FCRL6: variants seen among roughly 807,000 people sequenced by gnomAD.
The protein encoded by FCRL6 is Fc receptor like 6, also known as Fc receptor-like protein 6.
A neutral mutation model predicts 49.1 loss-of-function variants in FCRL6; 50 were observed. The observed-to-expected ratio is 1.02, with a 90% CI of 0.81 to 1.29. FCRL6 has a LOEUF of 1.29. Ranked by LOEUF, FCRL6 falls within the 50% of genes most tolerant of loss-of-function variation. FCRL6 has a pLI of 0.00. For synonymous variants in FCRL6, 213 were observed against 199.6 expected, an observed-to-expected ratio of 1.07 and a Z score of -0.57; for missense variants, 571 against 518.5, an observed-to-expected ratio of 1.10 and a Z score of -0.98.
chr1:159,815,856 G>A lies in FCRL6; in HGVS notation c.*195G>A. ...TTAGCAGAAGACCAACCAATGGAAT[G>A]GGAAGGGAGATGCTCCCACCAACAC... On this transcript the variant is annotated 3_prime_UTR_variant, in exon 10 of 10. Transcript: ENST00000368106. The A allele has an allele frequency of 1.7e-6, 1 of 589,882 alleles. No homozygotes were observed. The highest frequency in any genetic ancestry group is 3.0e-6 in the Non-Finnish European group (1 of 337,984). The allele number at this position is 589,882 out of a possible 1,614,324, so 36.5% of individuals were successfully genotyped here.
At chr1:159,814,498 C>T (rs1663273001) in intron 8 of FCRL6, among the ~76,000 whole-genome samples, 1 of 152,112 alleles carries the variant, frequency 6.6e-6, no homozygotes, top group South Asian at 2.1e-4. Context: ...ATCAATGCTA[C>T]CATGACCACC....
chr1:159,808,384 G>A lies in FCRL6; in HGVS notation c.259G>A (p.Val87Met). 1 of 1,614,208 alleles carries A rather than the reference G, an allele frequency of 6.2e-7. No individual in the cohort carries two copies. The highest frequency in any genetic ancestry group is 8.5e-7 in the Non-Finnish European group (1 of 1,180,034). ...TGGCCAGTACAGCTGCTCTGGGCAG[G>A]TGATGTATATTCCACAGACATTCAC... ...SRGQYSCSGQ[V>M]MYIPQTFTQT... Residue 87 changes from valine to methionine, a missense_variant, in exon 3 of 10, where the codon GTG (valine) becomes ATG (methionine). Transcript: ENST00000368106.
At chr1:159,802,567 G>GA (rs1662408360) in intron 1 of FCRL6, 112 bp downstream of exon 1, 1 of 994,614 alleles carries the variant, frequency 1.0e-6, no homozygotes, top group Non-Finnish European at 1.5e-6. Context: ...TTTGTGGCTG[G>GA]AGCTCAAGAC....
intron 1 of FCRL6, among the ~76,000 whole-genome samples, chr1:159,803,691 G>A (rs78897341): frequency 6.6e-6 from 1 of 152,140 alleles, no homozygotes; most frequent in Non-Finnish European, 1.5e-5. Flanking sequence ...GAGTGTTCCA[G>A]CTTGGAACCC....
In FCRL6 at chr1:159,808,205, A is replaced by T. The variant is rs1234249833; in HGVS notation, c.80A>T (p.Asn27Ile). 1 of 1,613,218 alleles carries T rather than the reference A, an allele frequency of 6.2e-7. No individual in the cohort carries two copies. Among genetic ancestry groups the T allele is most frequent in the Non-Finnish European group, 8.5e-7 (1 of 1,179,352 alleles). ...TVWLYLQAWP[N>I]PVFEGDALTL... Reference sequence around the variant, plus strand: ...TGGCTGTACCTCCAAGCCTGGCCAAACCCTGTGTTTGAAGGAGATGCCCTG... The same window carrying T: ...TGGCTGTACCTCCAAGCCTGGCCAATCCCTGTGTTTGAAGGAGATGCCCTG... Residue 27 changes from asparagine (N) to isoleucine (I), a missense_variant, in exon 3 of 10, where the codon AAC becomes ATC. By Grantham distance (149) the Asn-to-Ile change is moderately radical (BLOSUM62 -3). Coordinates refer to ENST00000368106, the MANE Select transcript of FCRL6 (RefSeq NM_001004310.3).
chr1:159,813,936 T>C (rs1280327075), intron 7 of FCRL6, among the ~76,000 whole-genome samples: 1 of 152,212 alleles, frequency 6.6e-6, no homozygotes, highest in Non-Finnish European at 1.5e-5. Flanking sequence ...GTGACAGAGA[T>C]TATACAGCTC....
At chr1:159,802,602 G>T (rs1662410604) in intron 1 of FCRL6, 147 bp downstream of exon 1, 2 of 712,062 alleles carry the variant, frequency 2.8e-6, no homozygotes, top group Admixed American at 2.1e-5. Context: ...GGGCATGCTT[G>T]GGAGAGATGG....
At position 159,809,262 on chromosome 1, in the gene FCRL6, G is replaced by C. The variant is rs1181323806; in HGVS notation, c.604+17G>C. On this transcript the variant is annotated intron_variant, in intron 4 of 9. Coordinates refer to ENST00000368106, the MANE Select transcript of FCRL6 (RefSeq NM_001004310.3). Reference sequence around the variant, plus strand: ...GAGTGCAGGGTAAGTGCGCGAGAGAGTGGAGATGCCCCCAGGGCCCTGGGC... The same window carrying C: ...GAGTGCAGGGTAAGTGCGCGAGAGACTGGAGATGCCCCCAGGGCCCTGGGC... 6.5e-7 allele frequency: 1 copy of C among 1,536,092 alleles called. No individual in the cohort carries two copies. Among genetic ancestry groups the C allele is most frequent in the African/African-American group, 1.4e-5 (1 of 72,372 alleles).
At chr1:159,813,435 G>C in intron 6 of FCRL6, 54 bp from the exon 7 acceptor site, 1 of 1,501,596 alleles carries the variant, frequency 6.7e-7, no homozygotes, top group South Asian at 1.1e-5. Context: ...CCTGTCCCCT[G>C]TCCCACCTGC....
intron 6 of FCRL6, among the ~76,000 whole-genome samples, chr1:159,810,570 T>C (rs1047154224): frequency 1.3e-4 from 19 of 146,562 alleles, no homozygotes; most frequent in African/African-American, 4.5e-4. Flanking sequence ...GCTAGGAATA[T>C]GAGCAAAAAA....
intron 3 of FCRL6, 73 bp from the exon 4 acceptor site, chr1:159,808,888 G>A: frequency 1.4e-6 from 2 of 1,463,336 alleles, no homozygotes; most frequent in East Asian, 2.3e-5. Context: ...ATGAGTAGAA[G>A]CTCAGGCCTC....
intron 1 of FCRL6, 63 bp from the exon 2 acceptor site, chr1:159,806,533 G>C: frequency 1.4e-6 from 2 of 1,464,070 alleles, no homozygotes; most frequent in East Asian, 2.3e-5. Flanking sequence ...GAAGTGACAG[G>C]CCTCCTTGTC....
intron 5 of FCRL6, 59 bp from the exon 6 acceptor site, chr1:159,810,035 A>T: frequency 6.4e-7 from 1 of 1,571,588 alleles, no homozygotes; most frequent in Non-Finnish European, 8.6e-7. Context: ...GCCAGGCTAG[A>T]ATGCATTTCC....
intron 3 of FCRL6, 129 bp downstream of exon 3, chr1:159,808,573 C>G (rs111529495): frequency 9.0e-7 from 1 of 1,114,744 alleles, no homozygotes; most frequent in Non-Finnish European, 1.3e-6. Flanking sequence ...ATGTGTGGGG[C>G]CCCGAGGTTT....
At chr1:159,815,052 CA>C (rs1663313519) in intron 8 of FCRL6, among the ~76,000 whole-genome samples, 1 of 152,208 alleles carries the variant, frequency 6.6e-6, no homozygotes, top group Non-Finnish European at 1.5e-5. Context: ...ATGTTCAAAA[CA>C]GGGAGTTTTG....
At chr1:159,812,629 C>T (rs1663154609) in intron 6 of FCRL6, among the ~76,000 whole-genome samples, 1 of 152,220 alleles carries the variant, frequency 6.6e-6, no homozygotes, top group Non-Finnish European at 1.5e-5. Flanking sequence ...CATTTCTCAG[C>T]CCTGACGAAT....
intron 1 of FCRL6, among the ~76,000 whole-genome samples, chr1:159,805,109 T>C (rs1214448629): frequency 6.6e-6 from 1 of 152,212 alleles, no homozygotes; most frequent in Non-Finnish European, 1.5e-5. Context: ...TTCCAAATCC[T>C]GCATGCTTTC....
intron 1 of FCRL6, among the ~76,000 whole-genome samples, chr1:159,805,785 T>G (rs73030807): frequency 0.044 from 6,719 of 152,292 alleles, 488 homozygotes; most frequent in African/African-American, 0.15. Context: ...AGGGGACTTA[T>G]CCTCCTCAGT....
At position 159,808,388 on chromosome 1, in the gene FCRL6, T is replaced by C. The variant is rs768822377; in HGVS notation, c.263T>C (p.Met88Thr). ...RGQYSCSGQV[M>T]YIPQTFTQTS... The stretch of plus-strand genomic sequence containing the variant: ...CAGTACAGCTGCTCTGGGCAGGTGA[T>C]GTATATTCCACAGACATTCACACAA... The change falls in exon 3 of 10, where the codon ATG (methionine) becomes ACG (threonine). Residue 88 changes from methionine to threonine, a missense_variant. Met to Thr is a moderately conservative substitution (Grantham distance 81, BLOSUM62 -1). Transcript: ENST00000368106. 11 of 1,613,986 alleles carry C rather than the reference T, an allele frequency of 6.8e-6. No individual in the cohort carries two copies. Among genetic ancestry groups the C allele is most frequent in the Non-Finnish European group, 8.5e-6 (10 of 1,180,034 alleles).
Sources: allele counts gnomAD v4.1 joint callset (sites outside exome capture counted in the v4.1 genomes callset), GRCh38; gene constraint gnomAD v4.1.1; transcripts MANE v1.5; gene names NCBI Gene and HGNC (gene_info 2026-07-23, HGNC 2026-07-21).